Variants in TECRL observed in about 807,000 individuals in gnomAD.
The protein encoded by TECRL is trans-2,3-enoyl-CoA reductase like, also known as trans-2,3-enoyl-CoA reductase-like.
TECRL carries 63 observed loss-of-function variants against 52.8 expected under a neutral mutation model. The ratio of observed to expected loss-of-function variants is 1.19; its 90% confidence interval spans 0.97 to 1.47. The LOEUF (loss-of-function observed/expected upper bound fraction) is 1.47. TECRL is among the 40% of genes most tolerant of loss of function. The pLI is 0.00. For missense variants in TECRL, 482 were observed against 429.6 expected (o/e 1.12, Z -1.08); for synonymous variants, 164 against 141.9 (o/e 1.16, Z -1.10).
chr4:64,347,241 A>T (rs983234081), intron 2 of TECRL, among the ~76,000 whole-genome samples: 2 of 152,220 alleles, frequency 1.3e-5, no homozygotes, highest in Admixed American at 6.5e-5. Context: ...TCTTTGAGTC[A>T]CATAAAAGAA....
chr4:64,406,678 A>G lies in TECRL; in HGVS notation c.234+2440T>C, dbSNP rs141600594. On this transcript the variant is annotated intron_variant, in intron 1 of 11. Transcript: ENST00000381210. ...ATTTTATTAACCCATATTCTAAATA[A>G]GGGTCTTGGGGATGAGCAATTCAGT... Among the ~76,000 whole-genome samples, 1,455 of 152,150 alleles carry G rather than the reference A, an allele frequency of 9.6e-3. 25 individuals are homozygous for G. The highest frequency in any genetic ancestry group is 0.033 in the African/African-American group (1,370 of 41,542).
At chr4:64,338,483 G>C (rs939991049) in intron 2 of TECRL, among the ~76,000 whole-genome samples, 3 of 152,098 alleles carry the variant, frequency 2.0e-5, no homozygotes, top group South Asian at 2.1e-4. Flanking sequence ...ACTACCATCA[G>C]AGTCAACCGG....
chr4:64,336,523 T>C (rs1298696248), intron 2 of TECRL, among the ~76,000 whole-genome samples: 1 of 152,224 alleles, frequency 6.6e-6, no homozygotes, highest in African/African-American at 2.4e-5. Context: ...TCTGCTCTAA[T>C]CTTAGTTATT....
intron 1 of TECRL, among the ~76,000 whole-genome samples, chr4:64,380,008 T>C (rs60278500): frequency 0.23 from 35,016 of 152,034 alleles, 4,173 homozygotes; most frequent in Middle Eastern, 0.3. Flanking sequence ...TAATTTCATT[T>C]CCACTGATAG....
At chr4:64,381,220 G>C (rs532608580) in intron 1 of TECRL, among the ~76,000 whole-genome samples, 16 of 151,980 alleles carry the variant, frequency 1.1e-4, no homozygotes, top group Non-Finnish European at 1.6e-4. Flanking sequence ...AAATGCTACT[G>C]ATTTTCATAT....
intron 2 of TECRL, among the ~76,000 whole-genome samples, chr4:64,363,666 A>G (rs7687350): frequency 0.97 from 147,277 of 152,228 alleles, 71,398 homozygotes; most frequent in East Asian, 1. Flanking sequence ...TTTTAAATAA[A>G]GAAGAGGAAC....
intron 2 of TECRL, among the ~76,000 whole-genome samples, chr4:64,342,704 A>G (rs1478407923): frequency 2.6e-5 from 4 of 152,138 alleles, no homozygotes. Flanking sequence ...TGGAGGCCAC[A>G]AAAGTATCTA....
At chr4:64,345,655 C>G (rs924382454) in intron 2 of TECRL, among the ~76,000 whole-genome samples, 3 of 151,340 alleles carry the variant, frequency 2.0e-5, no homozygotes, top group Admixed American at 1.3e-4. Context: ...ACATATGTAA[C>G]TAACCTGCAT....
chr4:64,361,850 T>C (rs1308428793), intron 2 of TECRL, among the ~76,000 whole-genome samples: 2 of 152,120 alleles, frequency 1.3e-5, no homozygotes, highest in Non-Finnish European at 2.9e-5. Flanking sequence ...CCAGCAATAG[T>C]TCTTAACCAA....
chr4:64,288,687 C>T (rs914911409), intron 9 of TECRL, among the ~76,000 whole-genome samples: 2 of 152,116 alleles, frequency 1.3e-5, no homozygotes, highest in African/African-American at 2.4e-5. Context: ...AAAAAAAGGT[C>T]ATGGTCACTG....
At chr4:64,386,366 C>G (rs1467300172) in intron 1 of TECRL, among the ~76,000 whole-genome samples, 2 of 152,038 alleles carry the variant, frequency 1.3e-5, no homozygotes, top group Admixed American at 6.6e-5. Flanking sequence ...TTATCCTCAT[C>G]ATCTTCATGC....
chr4:64,282,291 A>G (rs1322180982), intron 9 of TECRL, among the ~76,000 whole-genome samples: 1 of 151,992 alleles, frequency 6.6e-6, no homozygotes, highest in African/African-American at 2.4e-5. Context: ...GTAAAAGTAA[A>G]TATGAATTAT....
intron 2 of TECRL, among the ~76,000 whole-genome samples, chr4:64,345,020 C>A (rs903138115): frequency 3.9e-5 from 6 of 152,094 alleles, no homozygotes; most frequent in African/African-American, 7.2e-5. Flanking sequence ...CCATCTCACA[C>A]CAGTTAGAAT....
chr4:64,295,116 A>G (rs553500370), intron 8 of TECRL, among the ~76,000 whole-genome samples: 1 of 151,732 alleles, frequency 6.6e-6, no homozygotes, highest in African/African-American at 2.4e-5. Context: ...TCTTTTATAC[A>G]GACATAAAGA....
intron 2 of TECRL, among the ~76,000 whole-genome samples, chr4:64,372,314 G>T (rs745578209): frequency 6.6e-6 from 1 of 151,776 alleles, no homozygotes; most frequent in Non-Finnish European, 1.5e-5. Flanking sequence ...AAAAGCATAA[G>T]AAATGAGTGA....
chr4:64,308,764 G>T (rs117647748), intron 6 of TECRL, among the ~76,000 whole-genome samples: 253 of 152,182 alleles, frequency 1.7e-3, no homozygotes, highest in Admixed American at 0.012. Flanking sequence ...ATACTATTTT[G>T]ATATCACTAA....
intron 1 of TECRL, among the ~76,000 whole-genome samples, chr4:64,402,806 T>A (rs561541088): frequency 1.6e-4 from 24 of 152,058 alleles, no homozygotes; most frequent in Non-Finnish European, 2.8e-4. Context: ...TGTAAAAAGA[T>A]CTGCTACCTA....
At chr4:64,344,275 C>A (rs150157963) in intron 2 of TECRL, among the ~76,000 whole-genome samples, 182 of 150,644 alleles carry the variant, frequency 1.2e-3, no homozygotes, top group African/African-American at 4.2e-3. Context: ...ATGTCTATAT[C>A]TATCTATAAG....
intron 4 of TECRL, among the ~76,000 whole-genome samples, chr4:64,315,676 T>A (rs1451604645): frequency 1.3e-5 from 2 of 152,100 alleles, no homozygotes; most frequent in Non-Finnish European, 2.9e-5. Flanking sequence ...CCACATTGGT[T>A]AGAAATCATG....
Sources: allele counts gnomAD v4.1 joint callset (sites outside exome capture counted in the v4.1 genomes callset), GRCh38; gene constraint gnomAD v4.1.1; transcripts MANE v1.5; gene names NCBI Gene and HGNC (gene_info 2026-07-23, HGNC 2026-07-21).